The following LUZP2 variants were observed in gnomAD, a reference collection of about 807,000 sequenced individuals.
LUZP2 encodes leucine zipper protein 2.
In LUZP2, 52 loss-of-function variants were observed where a neutral mutation model predicts 51.6. The ratio of observed to expected loss-of-function variants is 1.01; its 90% CI spans 0.81 to 1.27. LUZP2 has a LOEUF of 1.27. LUZP2 is among the 50% of genes most tolerant of loss of function. LUZP2 has a pLI of 0.00. For synonymous variants in LUZP2, 154 were observed against 137.3 expected (o/e 1.12, Z -0.85); for missense variants, 436 against 395.4 (o/e 1.10, Z -0.87).
At chr11:24,976,130 A>G (rs111956879) in intron 7 of LUZP2, among the ~76,000 whole-genome samples, 2,546 of 151,940 alleles carry the variant, frequency 0.017, 40 homozygotes, top group South Asian at 0.084. Flanking sequence ...CATGTGTCCT[A>G]TGGAATTAGG....
intron 5 of LUZP2, among the ~76,000 whole-genome samples, chr11:24,887,981 T>C (rs1356374428): frequency 6.6e-6 from 1 of 152,248 alleles, no homozygotes; most frequent in African/African-American, 2.4e-5. Flanking sequence ...TTGGACAAAT[T>C]AATGCATGTT....
At chr11:24,978,284 T>C (rs771639983) in intron 8 of LUZP2, among the ~76,000 whole-genome samples, 1 of 151,708 alleles carries the variant, frequency 6.6e-6, no homozygotes, top group Non-Finnish European at 1.5e-5. Context: ...ATTATTACTT[T>C]TAAAAAATGT....
intron 1 of LUZP2, among the ~76,000 whole-genome samples, chr11:24,653,276 A>AT (rs891991211): frequency 1.3e-5 from 2 of 152,190 alleles, no homozygotes; most frequent in Middle Eastern, 3.4e-3. Flanking sequence ...CTTTAATACT[A>AT]TTTTTTACCG....
chr11:24,654,171 C>A (rs939624550), intron 1 of LUZP2, among the ~76,000 whole-genome samples: 1 of 152,090 alleles, frequency 6.6e-6, no homozygotes, highest in Non-Finnish European at 1.5e-5. Flanking sequence ...GGAAGGATGA[C>A]AATATATAGA....
In LUZP2 at chr11:25,078,419, G is replaced by A. The variant is rs1005723455; in HGVS notation, c.937-135G>A. 5 of 644,280 alleles carry A rather than the reference G, an allele frequency of 7.8e-6. No individual in the cohort carries two copies. The African/African-American group carries it at 9.4e-5, about 12-fold the overall frequency. 39.9% of individuals were successfully genotyped at this position (644,280 alleles called of 1,614,324 possible). On this transcript the variant is annotated intron_variant, in intron 11 of 11. Transcript: ENST00000336930. The stretch of plus-strand genomic sequence containing the variant: ...ACATCTTCACATTTGTTTCATTTCT[G>A]TCCTGTGTTCATTTTCTCTAAGATA...
At chr11:25,000,793 G>A (rs549891273) in intron 9 of LUZP2, among the ~76,000 whole-genome samples, 1 of 152,200 alleles carries the variant, frequency 6.6e-6, no homozygotes, top group Non-Finnish European at 1.5e-5. Context: ...TCAGCAGTGA[G>A]GAGGTCTAGG....
At chr11:24,939,665 T>C (rs1180456242) in intron 7 of LUZP2, among the ~76,000 whole-genome samples, 1 of 152,180 alleles carries the variant, frequency 6.6e-6, no homozygotes, top group Non-Finnish European at 1.5e-5. Context: ...CACTATTTAA[T>C]AAATTGTCAT....
chr11:24,759,538 C>A (rs1456005642), intron 4 of LUZP2, among the ~76,000 whole-genome samples: 1 of 151,890 alleles, frequency 6.6e-6, no homozygotes, highest in South Asian at 2.1e-4. Flanking sequence ...TTTCATTATA[C>A]TTTAATTAAA....
At chr11:24,661,999 C>T (rs1164128327) in intron 1 of LUZP2, among the ~76,000 whole-genome samples, 1 of 152,010 alleles carries the variant, frequency 6.6e-6, no homozygotes, top group Non-Finnish European at 1.5e-5. Flanking sequence ...AGATTTTCCA[C>T]AATCACCAGA....
rs1554988274 is a variant in LUZP2, at chr11:24,769,693, A to ATGTTTT, written c.396+6386_396+6387insGTTTTT. Among the ~76,000 whole-genome samples, 882 of 105,710 alleles carry ATGTTTT rather than the reference A, an allele frequency of 8.3e-3. 13 individuals carry two copies. The highest frequency in any genetic ancestry group is 0.024 in the African/African-American group (772 of 31,524). 69.3% of individuals were successfully genotyped at this position (105,710 alleles called of 152,430 possible). Reference sequence around the variant, plus strand: ...TCCTTATTTTCTTCTATGGTGGTCTATTTTTTTTTTTTTGGGATTATAATT... The same window carrying ATGTTTT: ...TCCTTATTTTCTTCTATGGTGGTCTATGTTTTTTTTTTTTTTTTTGGGATTATAATT... On this transcript the variant is annotated intron_variant, in intron 5 of 11. Transcript: ENST00000336930.
chr11:24,906,564 TA>T (rs1258080715), intron 6 of LUZP2, among the ~76,000 whole-genome samples: 1 of 152,138 alleles, frequency 6.6e-6, no homozygotes, highest in East Asian at 1.9e-4. Context: ...AACATAGATT[TA>T]ACTAAAATAA....
intron 5 of LUZP2, 60 bp downstream of exon 5, chr11:24,763,368 C>T: frequency 1.3e-6 from 1 of 776,012 alleles, no homozygotes; most frequent in Non-Finnish European, 1.9e-6. Context: ...CATAAATGCA[C>T]ATATAAAGTT....
At position 24,603,928 on chromosome 11, in the gene LUZP2, T is replaced by C. The variant is rs1853827549; in HGVS notation, c.62+106623T>C. 2.0e-5 allele frequency among the ~76,000 whole-genome samples: 3 copies of C among 151,966 alleles called. No homozygotes were observed. In the South Asian group the frequency reaches 6.2e-4, roughly 31 times the overall value. ...TATTGTGATATTATCCACATTACTATATTATATAACCTCTTCAGGCCTGAG... is the reference window on the plus strand; with the variant it reads ...TATTGTGATATTATCCACATTACTACATTATATAACCTCTTCAGGCCTGAG... On this transcript the variant is annotated intron_variant, in intron 1 of 11. Coordinates refer to ENST00000336930, the MANE Select transcript of LUZP2 (RefSeq NM_001009909.4).
intron 1 of LUZP2, chr11:24,701,148 C>A (rs1031821791): frequency 6.5e-6 from 1 of 152,728 alleles, no homozygotes; most frequent in Non-Finnish European, 1.5e-5. Flanking sequence ...CTGGTTATCA[C>A]CCCTCCGTGG....
At chr11:24,760,901 T>G (rs1466509342) in intron 4 of LUZP2, among the ~76,000 whole-genome samples, 5 of 152,216 alleles carry the variant, frequency 3.3e-5, no homozygotes, top group Admixed American at 6.5e-5. Context: ...ATATTACTTA[T>G]GCAACACTTG....
At chr11:24,746,304 T>C (rs1333064633) in intron 4 of LUZP2, among the ~76,000 whole-genome samples, 2 of 152,174 alleles carry the variant, frequency 1.3e-5, no homozygotes, top group Non-Finnish European at 2.9e-5. Context: ...CTTTCCTTCA[T>C]ATATGATGCT....
chr11:24,533,220 GTTAA>G (rs1422259006), intron 1 of LUZP2, among the ~76,000 whole-genome samples: 1 of 151,180 alleles, frequency 6.6e-6, no homozygotes, highest in African/African-American at 2.4e-5. Flanking sequence ...TTGCCAGGTT[GTTAA>G]TTGTCTTTTA....
At chr11:24,546,000 C>A (rs1175135326) in intron 1 of LUZP2, among the ~76,000 whole-genome samples, 1 of 151,900 alleles carries the variant, frequency 6.6e-6, no homozygotes, top group East Asian at 1.9e-4. Flanking sequence ...TTTTTCACGT[C>A]CCTGGTTAGC....
At chr11:24,725,261 C>T (rs1014947947) in intron 1 of LUZP2, among the ~76,000 whole-genome samples, 1 of 151,582 alleles carries the variant, frequency 6.6e-6, no homozygotes, top group Non-Finnish European at 1.5e-5. Context: ...CAAATGAATC[C>T]GAATACAGAA....
Sources: allele counts gnomAD v4.1 joint callset (sites outside exome capture counted in the v4.1 genomes callset), GRCh38; gene constraint gnomAD v4.1.1; transcripts MANE v1.5; gene names NCBI Gene and HGNC (gene_info 2026-07-23, HGNC 2026-07-21).